Variants in MCTP1 observed in about 807,000 individuals in gnomAD.
MCTP1 encodes multiple C2 and transmembrane domain containing 1.
Under a neutral mutation model 120.6 loss-of-function variants are expected in MCTP1, and 69 were observed. The ratio of observed to expected loss-of-function variants is 0.57; its 90% CI spans 0.47 to 0.70. The LOEUF (loss-of-function observed/expected upper bound fraction) is 0.70, where lower values mean the gene tolerates loss of function less well. MCTP1 is among the 30% of genes least tolerant of loss of function. The probability of loss-of-function intolerance (pLI) is 0.00; values close to 1 mark genes in which losing one functional copy is unlikely to be tolerated. For synonymous variants in MCTP1, 529 were observed against 493.1 expected (o/e 1.07, Z -0.96); for missense variants, 1,203 against 1,248.8 (o/e 0.96, Z 0.55).
chr5:94,873,252 T>G lies in MCTP1; in HGVS notation c.1934-11A>C. On this transcript the variant is annotated splice_polypyrimidine_tract_variant and intron_variant, in intron 12 of 22. Coordinates refer to ENST00000515393, the MANE Select transcript of MCTP1 (RefSeq NM_024717.7). ...ATGGGTCACTTTTTCCTACAAGAGA[T>G]TTTTGGTAAATATTTTTAGTGTACA... 6.6e-7 allele frequency: 1 copy of G among 1,520,336 alleles called. No homozygotes were observed. The allele number at this position is 1,520,336 out of a possible 1,614,324, so 94.2% of individuals were successfully genotyped here.
chr5:94,870,572 A>C, intron 15 of MCTP1, 81 bp from the exon 16 acceptor site: 1 of 1,081,852 alleles, frequency 9.2e-7, no homozygotes, highest in Non-Finnish European at 1.4e-6. Flanking sequence ...AATTTGCAAT[A>C]ATTTCTAAAG....
chr5:94,722,786 T>C (rs1761207123), intron 19 of MCTP1, among the ~76,000 whole-genome samples: 1 of 152,200 alleles, frequency 6.6e-6, no homozygotes, highest in South Asian at 2.1e-4. Flanking sequence ...AGTTTACCAT[T>C]GATTGGAGCT....
At chr5:95,187,959 T>C (rs1308567470) in intron 1 of MCTP1, among the ~76,000 whole-genome samples, 4 of 152,180 alleles carry the variant, frequency 2.6e-5, no homozygotes, top group Non-Finnish European at 4.4e-5. Flanking sequence ...ATTGCATGCC[T>C]GTATCAAAAC....
intron 2 of MCTP1, among the ~76,000 whole-genome samples, chr5:94,967,387 C>G (rs1279135865): frequency 6.6e-6 from 1 of 152,160 alleles, no homozygotes; most frequent in Non-Finnish European, 1.5e-5. Context: ...CTATTGTTAT[C>G]TTGAGTTCAC....
intron 10 of MCTP1, among the ~76,000 whole-genome samples, chr5:94,901,265 T>G (rs1003817449): frequency 6.6e-6 from 1 of 152,008 alleles, no homozygotes; most frequent in East Asian, 1.9e-4. Context: ...AACCATCAGA[T>G]CTCATGAGTC....
At chr5:95,045,015 A>G (rs1056234799) in intron 1 of MCTP1, among the ~76,000 whole-genome samples, 1 of 151,862 alleles carries the variant, frequency 6.6e-6, no homozygotes, top group African/African-American at 2.4e-5. Flanking sequence ...AAAACTCCCT[A>G]CTGTAGCTCA....
intron 2 of MCTP1, among the ~76,000 whole-genome samples, chr5:94,985,876 T>G (rs1336856507): frequency 6.6e-6 from 1 of 152,212 alleles, no homozygotes; most frequent in Non-Finnish European, 1.5e-5. Context: ...CTGTATAATC[T>G]GACATCGAGT....
At chr5:94,829,874 C>T (rs1304795732) in intron 17 of MCTP1, among the ~76,000 whole-genome samples, 1 of 152,136 alleles carries the variant, frequency 6.6e-6, no homozygotes, top group Non-Finnish European at 1.5e-5. Context: ...CACACAACTG[C>T]CAGCTCTTCA....
At chr5:94,773,547 T>C (rs1014171573) in intron 19 of MCTP1, among the ~76,000 whole-genome samples, 8 of 152,144 alleles carry the variant, frequency 5.3e-5, no homozygotes, top group African/African-American at 1.9e-4. Context: ...GGTTTTGTAA[T>C]ATGATGGTGT....
chr5:95,006,049 G>A (rs1834673767), intron 2 of MCTP1, among the ~76,000 whole-genome samples: 1 of 152,054 alleles, frequency 6.6e-6, no homozygotes, highest in South Asian at 2.1e-4. Context: ...TGGGATGTGG[G>A]AGGAAACCAT....
At chr5:94,832,198 C>G (rs1247838905) in intron 17 of MCTP1, among the ~76,000 whole-genome samples, 1 of 151,964 alleles carries the variant, frequency 6.6e-6, no homozygotes, top group Non-Finnish European at 1.5e-5. Flanking sequence ...TCTCTTTACA[C>G]AAATGTTTGA....
Position 94,946,621 on chromosome 5 carries a change from T to G in MCTP1, c.982-4194A>C, listed in dbSNP as rs115693410. Among the ~76,000 whole-genome samples, 749 of 152,262 alleles carry G rather than the reference T, an allele frequency of 4.9e-3. 5 individuals carry two copies. Among genetic ancestry groups the G allele is most frequent in the Non-Finnish European group, 9.0e-3 (614 of 68,006 alleles). On this transcript the variant is annotated intron_variant, in intron 3 of 22. Transcript: ENST00000515393. ...AAGCTAGTTGACACCCACCTGTAGC[T>G]CAGTCCTGGTCTTGGCTTTAGGAAA...
intron 1 of MCTP1, among the ~76,000 whole-genome samples, chr5:95,089,967 C>T (rs890003573): frequency 3.3e-5 from 5 of 152,154 alleles, no homozygotes; most frequent in African/African-American, 1.2e-4. Flanking sequence ...ATTGAATTCT[C>T]GACACAGCCC....
At position 95,225,770 on chromosome 5, in the gene MCTP1, C is replaced by T. The variant is rs113724315; in HGVS notation, c.720+58086G>A. On this transcript the variant is annotated intron_variant, in intron 1 of 22. Transcript: ENST00000515393. ...TTGTGTCTAAGGACATTTCCCTCTC[C>T]ATTCCCTCCCACCTAGTCTGTCCCC... Among the ~76,000 whole-genome samples, 1,003 of 152,206 alleles carry T rather than the reference C, an allele frequency of 6.6e-3. 8 individuals carry two copies. Among genetic ancestry groups the T allele is most frequent in the African/African-American group, 0.023 (974 of 41,530 alleles).
chr5:95,070,615 C>T (rs78862710), intron 1 of MCTP1, among the ~76,000 whole-genome samples: 13,165 of 152,266 alleles, frequency 0.086, 679 homozygotes, highest in Middle Eastern at 0.23. Flanking sequence ...TCTGCTCTGC[C>T]TTGGGAAGTT....
chr5:95,035,535 T>C (rs1841126624), intron 1 of MCTP1, among the ~76,000 whole-genome samples: 1 of 151,868 alleles, frequency 6.6e-6, no homozygotes. Flanking sequence ...CATGGTCATA[T>C]AGGTGGGAAC....
intron 17 of MCTP1, among the ~76,000 whole-genome samples, chr5:94,818,133 C>T (rs538960825): frequency 5.9e-5 from 9 of 152,094 alleles, no homozygotes; most frequent in South Asian, 2.1e-4. Flanking sequence ...TGGCCACTTA[C>T]GGGAAATCCT....
chr5:95,186,420 A>C (rs905621955), intron 1 of MCTP1, among the ~76,000 whole-genome samples: 7 of 152,112 alleles, frequency 4.6e-5, no homozygotes, highest in African/African-American at 1.7e-4. Context: ...TACTATTTAG[A>C]ATCACTTCAA....
intron 19 of MCTP1, among the ~76,000 whole-genome samples, chr5:94,741,649 A>G (rs886685146): frequency 6.6e-6 from 1 of 152,222 alleles, no homozygotes; most frequent in Non-Finnish European, 1.5e-5. Context: ...TTCCTCTCAG[A>G]TGCTTTAGTA....
Sources: gnomAD v4.1 joint callset for allele counts (sites outside exome capture counted in the v4.1 genomes callset) on GRCh38, gnomAD v4.1.1 for gene constraint, MANE v1.5 for transcripts, NCBI Gene and HGNC (gene_info 2026-07-23, HGNC 2026-07-21) for gene names.